GPC5: variants seen among roughly 807,000 people sequenced by gnomAD.
GPC5 encodes glypican 5, also known as glypican-5.
GPC5 carries 47 observed loss-of-function variants against 53.9 expected under a neutral mutation model. The observed-to-expected ratio is 0.87, with a 90% CI of 0.69 to 1.11. The LOEUF (loss-of-function observed/expected upper bound fraction) is 1.11. GPC5 is among the 50% of genes most tolerant of loss of function. GPC5 has a pLI of 0.00. For missense variants in GPC5, 748 were observed against 713.1 expected, an observed-to-expected ratio of 1.05 and a Z score of -0.56; for synonymous variants, 286 against 263.3, an observed-to-expected ratio of 1.09 and a Z score of -0.84.
intron 7 of GPC5, among the ~76,000 whole-genome samples, chr13:92,755,454 G>C (rs990793656): frequency 2.8e-4 from 42 of 151,614 alleles, no homozygotes; most frequent in African/African-American, 9.2e-4. Flanking sequence ...TCAAAAGCTA[G>C]CAGAAGGCAA....
intron 2 of GPC5, among the ~76,000 whole-genome samples, chr13:91,501,769 G>A (rs1884651838): frequency 6.6e-6 from 1 of 152,196 alleles, no homozygotes; most frequent in Non-Finnish European, 1.5e-5. Flanking sequence ...CCAGTAATGG[G>A]ATGCCTGGGT....
chr13:92,334,849 T>C (rs1379448610), intron 7 of GPC5, among the ~76,000 whole-genome samples: 5 of 152,174 alleles, frequency 3.3e-5, no homozygotes. Context: ...GTCACACTGA[T>C]GCAAAAGGTG....
intron 7 of GPC5, among the ~76,000 whole-genome samples, chr13:92,522,989 G>A (rs773145100): frequency 6.6e-6 from 1 of 152,082 alleles, no homozygotes; most frequent in Non-Finnish European, 1.5e-5. Context: ...AAATTAGACT[G>A]TGCAAGAATG....
chr13:91,505,120 G>T (rs1025724403), intron 2 of GPC5, among the ~76,000 whole-genome samples: 1 of 152,072 alleles, frequency 6.6e-6, no homozygotes, highest in African/African-American at 2.4e-5. Flanking sequence ...TTTAAGGCGC[G>T]TATTTTTTTT....
chr13:92,583,214 A>G (rs1215020091), intron 7 of GPC5, among the ~76,000 whole-genome samples: 6 of 152,186 alleles, frequency 3.9e-5, no homozygotes, highest in Admixed American at 1.3e-4. Context: ...AAATTTTGTC[A>G]AACACATTTT....
intron 5 of GPC5, among the ~76,000 whole-genome samples, chr13:91,771,740 T>A (rs978937623): frequency 6.6e-6 from 1 of 152,074 alleles, no homozygotes. Flanking sequence ...AAGGAAAAAA[T>A]TAAAAATATA....
intron 6 of GPC5, among the ~76,000 whole-genome samples, chr13:92,099,632 C>T (rs1398341842): frequency 6.6e-6 from 1 of 152,234 alleles, no homozygotes; most frequent in East Asian, 1.9e-4. Context: ...TGGTAAAAGT[C>T]AGAGTGCCTG....
rs569462142 is a variant in GPC5 at position 92,781,385 on chromosome 13, AC to A, written c.1562-84895del. On this transcript the variant is annotated intron_variant, in intron 7 of 7. Transcript: ENST00000377067. ...AATGATAGTTTTCTGGATATCTGAT[AC>A]CTTTCTTTAAACACTTTAAAATTTC... Among the ~76,000 whole-genome samples, 15 of 152,124 alleles carry A rather than the reference AC, an allele frequency of 9.9e-5. 3 individuals are homozygous for A. The highest frequency in any genetic ancestry group is 3.6e-4 in the African/African-American group (15 of 41,520).
intron 2 of GPC5, among the ~76,000 whole-genome samples, chr13:91,505,944 T>A (rs986281995): frequency 9.9e-5 from 15 of 152,082 alleles, no homozygotes; most frequent in African/African-American, 3.6e-4. Flanking sequence ...AATATATTAT[T>A]TTATTTTGCT....
At chr13:91,409,516 A>G (rs1306294495) in intron 1 of GPC5, among the ~76,000 whole-genome samples, 2 of 152,228 alleles carry the variant, frequency 1.3e-5, no homozygotes, top group African/African-American at 4.8e-5. Context: ...TTCCTATTCA[A>G]TTCATCTTTG....
At chr13:92,053,781 G>A (rs2041050349) in intron 6 of GPC5, among the ~76,000 whole-genome samples, 1 of 151,948 alleles carries the variant, frequency 6.6e-6, no homozygotes, top group African/African-American at 2.4e-5. Flanking sequence ...CTGTAATCCA[G>A]CACTTTGGGA....
chr13:92,394,323 A>G (rs529632631), intron 7 of GPC5, among the ~76,000 whole-genome samples: 49 of 152,270 alleles, frequency 3.2e-4, no homozygotes, highest in Admixed American at 3.9e-4. Context: ...CTCAAAATTC[A>G]TATCTTGAAA....
chr13:92,711,222 T>A (rs140059552), intron 7 of GPC5, among the ~76,000 whole-genome samples: 330 of 152,318 alleles, frequency 2.2e-3, no homozygotes, highest in African/African-American at 7.5e-3. Context: ...ATTACATGCA[T>A]AACATTTTGC....
chr13:92,144,721 C>T, intron 6 of GPC5, 109 bp from the exon 7 acceptor site: 1 of 1,057,614 alleles, frequency 9.5e-7, no homozygotes, highest in Non-Finnish European at 1.4e-6. Flanking sequence ...GTGTCTACAC[C>T]AAAAGAGTGG....
At chr13:91,697,512 A>G (rs2035904766) in intron 3 of GPC5, among the ~76,000 whole-genome samples, 1 of 151,654 alleles carries the variant, frequency 6.6e-6, no homozygotes. Flanking sequence ...AAAATATTTT[A>G]AATAATCATT....
rs1307779310 is a variant in GPC5 at position 92,381,871 on chromosome 13, T to TATATATG, written c.1561+236885_1561+236891dup. Among the ~76,000 whole-genome samples the TATATATG allele has an allele frequency of 8.2e-3, 874 of 107,016 alleles. 37 individuals are homozygous for TATATATG. Among genetic ancestry groups the TATATATG allele is most frequent in the African/African-American group, 0.029 (822 of 28,470 alleles). The allele number at this position is 107,016 out of a possible 152,430, so 70.2% of individuals were successfully genotyped here. Reference sequence around the variant, plus strand: ...TGATCATATATGATTATATATATCATATATATGATTATATATATTATATAT... The same window carrying TATATATG: ...TGATCATATATGATTATATATATCATATATATGATATATGATTATATATATTATATAT... On this transcript the variant is annotated intron_variant, in intron 7 of 7. Coordinates refer to ENST00000377067, the MANE Select transcript of GPC5 (RefSeq NM_004466.6).
intron 3 of GPC5, among the ~76,000 whole-genome samples, chr13:91,702,177 T>C (rs923738519): frequency 1.3e-5 from 2 of 152,142 alleles, no homozygotes; most frequent in East Asian, 1.9e-4. Flanking sequence ...GAGTTCCTTA[T>C]GTATTTTGGC....
intron 7 of GPC5, among the ~76,000 whole-genome samples, chr13:92,235,444 A>G (rs1180013682): frequency 6.6e-6 from 1 of 152,120 alleles, no homozygotes; most frequent in Non-Finnish European, 1.5e-5. Context: ...CATATTTATA[A>G]GGATGTTTTC....
At chr13:92,511,109 T>A (rs1382216821) in intron 7 of GPC5, among the ~76,000 whole-genome samples, 2 of 152,194 alleles carry the variant, frequency 1.3e-5, no homozygotes, top group African/African-American at 4.8e-5. Context: ...AGGGTTTTCT[T>A]TGGTTTGATA....
Sources: gnomAD v4.1 joint callset for allele counts (sites outside exome capture counted in the v4.1 genomes callset) on GRCh38, gnomAD v4.1.1 for gene constraint, MANE v1.5 for transcripts, NCBI Gene and HGNC (gene_info 2026-07-23, HGNC 2026-07-21) for gene names.